Variants in TRPM8 observed in about 807,000 individuals in gnomAD.
TRPM8 encodes the protein TRPM8 cationic channel.
A neutral mutation model predicts 133.7 loss-of-function variants in TRPM8; 110 were observed. The ratio of observed to expected loss-of-function variants is 0.82; its 90% CI spans 0.70 to 0.96. TRPM8 has a LOEUF of 0.96. TRPM8 is among the 40% of genes least tolerant of loss of function. The probability of loss-of-function intolerance (pLI) is 0.00; values close to 1 mark genes in which losing one functional copy is unlikely to be tolerated. For missense variants in TRPM8, 1,291 were observed against 1,379.5 expected (o/e 0.94, Z 1.02); for synonymous variants, 535 against 532.3 (o/e 1.01, Z -0.07).
intron 24 of TRPM8, among the ~76,000 whole-genome samples, chr2:234,014,067 T>G (rs1431461982): frequency 6.6e-6 from 1 of 152,180 alleles, no homozygotes; most frequent in Non-Finnish European, 1.5e-5. Flanking sequence ...TCAAGATTAA[T>G]TTCATTATGC....
rs199993016 is a variant in TRPM8, at chr2:233,983,218, G to A, written c.2755G>A (p.Val919Met). Reference protein sequence around the residue: ...LAMFGQVPSDVDGTTYDFAHC... With the variant: ...LAMFGQVPSDMDGTTYDFAHC... Reference sequence around the variant, plus strand: ...CATGTTCGGCCAGGTGCCCAGTGACGTGGATGGTAAGCCTGACTTGGCTCA... The same window carrying A: ...CATGTTCGGCCAGGTGCCCAGTGACATGGATGGTAAGCCTGACTTGGCTCA... The change falls in exon 20 of 26, where the codon GTG (valine) becomes ATG (methionine). Residue 919 changes from valine to methionine, a missense_variant. Val to Met is a conservative substitution (Grantham distance 21). Around this residue, in one of 2 missense-constraint regions of TRPM8, gnomAD observed 328 missense variants for 410.6 expected, o/e 0.80. Transcript: ENST00000324695. 89 of 1,614,030 alleles carry A rather than the reference G, an allele frequency of 5.5e-5. No individual in the cohort carries two copies. The highest frequency in any genetic ancestry group is 6.6e-5 in the South Asian group (6 of 91,072).
rs1433075587 is a variant in TRPM8 at position 233,996,405 on chromosome 2, A to AGCC, written c.3023_3025dup (p.Arg1008dup). ...GTACTTCCTGGTGCAGGAGTACTGC[A>AGCC]GCCGCCTCAATATCCCCTTCCCCTT... On this transcript the variant is annotated inframe_insertion, in exon 22 of 26. Coordinates refer to ENST00000324695, the MANE Select transcript of TRPM8 (RefSeq NM_024080.5). 1 of 1,614,104 alleles carries AGCC rather than the reference A, an allele frequency of 6.2e-7. No individual in the cohort carries two copies. The highest frequency in any genetic ancestry group is 8.5e-7 in the Non-Finnish European group (1 of 1,180,054).
At chr2:233,990,355 T>C (rs184529038) in intron 21 of TRPM8, among the ~76,000 whole-genome samples, 113 of 152,334 alleles carry the variant, frequency 7.4e-4, no homozygotes, top group African/African-American at 2.6e-3. Context: ...AAGTACACTC[T>C]AGCAGCCGGT....
At chr2:233,962,687 A>G (rs1427957834) in intron 12 of TRPM8, among the ~76,000 whole-genome samples, 4 of 152,250 alleles carry the variant, frequency 2.6e-5, no homozygotes, top group Non-Finnish European at 4.4e-5. Flanking sequence ...TGCAATATGC[A>G]TAATATGCCT....
At chr2:233,963,712 T>TA (rs1228804149) in intron 13 of TRPM8, among the ~76,000 whole-genome samples, 4 of 152,226 alleles carry the variant, frequency 2.6e-5, no homozygotes, top group African/African-American at 9.6e-5. Context: ...GTAGGGCCTG[T>TA]AAAAAATTCC....
intron 1 of TRPM8, among the ~76,000 whole-genome samples, chr2:233,924,280 T>C (rs1559514671): frequency 6.6e-6 from 1 of 152,186 alleles, no homozygotes; most frequent in Admixed American, 6.5e-5. Context: ...TGTGATTTTG[T>C]TACTTCTCCC....
Position 233,977,041 on chromosome 2 carries a change from T to C in TRPM8, c.2356-3147T>C, listed in dbSNP as rs528781553. ...GCAGGGTGTGACCTGATTTAGATTG[T>C]GTCTGATTTAGATTGTGTCAAAAAG... is the stretch of plus-strand genomic sequence containing the variant. On this transcript the variant is annotated intron_variant, in intron 17 of 25. Transcript: ENST00000324695. Among the ~76,000 whole-genome samples the C allele has an allele frequency of 7.2e-5, 11 of 152,308 alleles. 1 individual carries two copies. In the South Asian group the frequency reaches 2.3e-3, roughly 32 times the overall value.
At chr2:233,922,356 G>GC (rs1009605916) in intron 1 of TRPM8, among the ~76,000 whole-genome samples, 3 of 152,016 alleles carry the variant, frequency 2.0e-5, no homozygotes, top group African/African-American at 7.2e-5. Context: ...GATTTCTAGT[G>GC]CCCCCTGAGG....
chr2:234,015,429 T>A (rs1692935192), intron 25 of TRPM8, among the ~76,000 whole-genome samples: 1 of 152,070 alleles, frequency 6.6e-6, no homozygotes, highest in African/African-American at 2.4e-5. Context: ...TTCTCCTTCC[T>A]CTCTTCCCTT....
At chr2:233,969,662 A>T in intron 15 of TRPM8, 33 bp from the exon 16 acceptor site, 1 of 1,351,892 alleles carries the variant, frequency 7.4e-7, no homozygotes. Context: ...TGTGTTAATA[A>T]GGACCTTGTT....
chr2:233,956,719 A>C (rs1691302898), intron 11 of TRPM8, among the ~76,000 whole-genome samples: 1 of 152,224 alleles, frequency 6.6e-6, no homozygotes, highest in African/African-American at 2.4e-5. Context: ...GAGCAGCATA[A>C]ATAAAGTAAT....
chr2:234,012,154 GTTTT>G (rs34984521), intron 24 of TRPM8, among the ~76,000 whole-genome samples: 9 of 140,514 alleles, frequency 6.4e-5, no homozygotes, highest in Admixed American at 2.8e-4. Flanking sequence ...AGTTCTAACA[GTTTT>G]TTTTTTTTTT....
chr2:233,947,247 T>C (rs1048417291), intron 8 of TRPM8, 92 bp downstream of exon 8: 1 of 1,576,842 alleles, frequency 6.3e-7, no homozygotes, highest in Non-Finnish European at 8.6e-7. Context: ...TAATCTAACC[T>C]AATTGATTTT....
chr2:233,944,445 A>G, intron 6 of TRPM8, among the ~76,000 whole-genome samples: 1 of 152,224 alleles, frequency 6.6e-6, no homozygotes, highest in Non-Finnish European at 1.5e-5. Flanking sequence ...TCTGAATGGG[A>G]ATGAGAAAAG....
intron 22 of TRPM8, among the ~76,000 whole-genome samples, chr2:234,000,086 G>GATTGATTTATTTATTT (rs10659716): frequency 6.9e-6 from 1 of 144,166 alleles, no homozygotes; most frequent in African/African-American, 2.6e-5. Context: ...CAATGTGGAT[G>GATTGATTTATTTATTT]ATTTATTTAT....
intron 9 of TRPM8, among the ~76,000 whole-genome samples, chr2:233,952,169 A>C (rs1426235518): frequency 6.6e-6 from 1 of 152,232 alleles, no homozygotes; most frequent in Non-Finnish European, 1.5e-5. Flanking sequence ...TGTTGAGCAC[A>C]TACTGCGTGC....
At chr2:234,003,177 G>C (rs966376618) in intron 22 of TRPM8, among the ~76,000 whole-genome samples, 30 of 152,218 alleles carry the variant, frequency 2.0e-4, no homozygotes, top group Admixed American at 2.0e-3. Context: ...ATAGCTGTGA[G>C]CCCCTGAAGT....
intron 6 of TRPM8, among the ~76,000 whole-genome samples, chr2:233,943,386 C>T (rs536974102): frequency 6.6e-6 from 1 of 152,058 alleles, no homozygotes; most frequent in African/African-American, 2.4e-5. Context: ...TACTATGCAG[C>T]CACAAAAAAT....
chr2:233,993,220 T>A (rs961701098), intron 21 of TRPM8, among the ~76,000 whole-genome samples: 1 of 152,240 alleles, frequency 6.6e-6, no homozygotes, highest in Non-Finnish European at 1.5e-5. Context: ...TTCTTGCTAT[T>A]TGTCTGGGAA....
Sources: allele counts gnomAD v4.1 joint callset (sites outside exome capture counted in the v4.1 genomes callset), GRCh38; gene constraint gnomAD v4.1.1; regional missense constraint gnomAD v4.1.1; transcripts MANE v1.5; gene names NCBI Gene and HGNC (gene_info 2026-07-23, HGNC 2026-07-21).